Variants in FZD6 observed in about 807,000 individuals in gnomAD.
FZD6 encodes the protein frizzled class receptor 6, also known as frizzled-6.
FZD6 carries 49 observed loss-of-function variants against 61.4 expected under a neutral mutation model. The ratio of observed to expected loss-of-function variants is 0.80; its 90% confidence interval spans 0.63 to 1.01. The LOEUF is 1.01. Among genes scored for constraint, FZD6 ranks in the 50% least tolerant of loss-of-function variants. FZD6 has a pLI of 0.00. For synonymous variants in FZD6, 265 were observed against 292.2 expected (o/e 0.91, Z 0.95); for missense variants, 724 against 848.2 (o/e 0.85, Z 1.82).
chr8:103,318,744 A>G lies in FZD6; in HGVS notation c.332A>G (p.Asp111Gly). 1 of 1,611,524 alleles carries G rather than the reference A, an allele frequency of 6.2e-7. No individual in the cohort carries two copies. Among genetic ancestry groups the G allele is most frequent in the Middle Eastern group, 1.7e-4 (1 of 6,044 alleles). The change falls in exon 3 of 7, where the codon GAC becomes GGC. Residue 111 changes from aspartate (D) to glycine (G), a missense_variant. Coordinates refer to ENST00000358755, the MANE Select transcript of FZD6 (RefSeq NM_003506.4). ...TATTCTGATTGCAAAAAATTAATTGACACTTTTGGGATCCGATGGCCTGAG... is the reference window on the plus strand; with the variant it reads ...TATTCTGATTGCAAAAAATTAATTGGCACTTTTGGGATCCGATGGCCTGAG... ...KVYSDCKKLI[D>G]TFGIRWPEEL...
At chr8:103,328,482 TC>T in intron 5 of FZD6, 66 bp downstream of exon 5, 1 of 1,214,802 alleles carries the variant, frequency 8.2e-7, no homozygotes, top group Non-Finnish European at 1.2e-6. Context: ...AAGGAACTGT[TC>T]AAATCAATGT....
intron 2 of FZD6, among the ~76,000 whole-genome samples, chr8:103,302,418 T>C (rs767247339): frequency 2.0e-5 from 3 of 152,148 alleles, no homozygotes; most frequent in Non-Finnish European, 4.4e-5. Flanking sequence ...TTTAAATAAA[T>C]AAAATGTGTA....
intron 2 of FZD6, among the ~76,000 whole-genome samples, chr8:103,310,732 C>T (rs1814472013): frequency 6.6e-6 from 1 of 152,214 alleles, no homozygotes; most frequent in Non-Finnish European, 1.5e-5. Flanking sequence ...CATTTGATCT[C>T]CCACAGCCTC....
At chr8:103,306,666 C>A (rs572939599) in intron 2 of FZD6, among the ~76,000 whole-genome samples, 2 of 151,874 alleles carry the variant, frequency 1.3e-5, no homozygotes, top group East Asian at 3.9e-4. Flanking sequence ...CCAAGCCCGG[C>A]TAATTTTTTT....
intron 2 of FZD6, among the ~76,000 whole-genome samples, chr8:103,305,281 T>C (rs1291910079): frequency 6.6e-6 from 1 of 152,200 alleles, no homozygotes; most frequent in Non-Finnish European, 1.5e-5. Flanking sequence ...GAGCAGCAAG[T>C]GGTCATTCCC....
chr8:103,307,850 G>A (rs963796693), intron 2 of FZD6: 1 of 456,090 alleles, frequency 2.2e-6, no homozygotes, highest in Non-Finnish European at 4.4e-6. Flanking sequence ...AGGCTGTAAG[G>A]AAACATGCTA....
intron 3 of FZD6, among the ~76,000 whole-genome samples, chr8:103,319,014 A>C (rs1480225345): frequency 6.6e-6 from 1 of 152,248 alleles, no homozygotes; most frequent in African/African-American, 2.4e-5. Flanking sequence ...GACAGACAGT[A>C]ATCAAATAAT....
At chr8:103,327,431 C>T (rs1051168146) in intron 4 of FZD6, among the ~76,000 whole-genome samples, 2 of 152,038 alleles carry the variant, frequency 1.3e-5, no homozygotes, top group Admixed American at 1.3e-4. Context: ...CCTGTCTCTA[C>T]TAAAATACAA....
At chr8:103,305,450 A>G (rs1814303998) in intron 2 of FZD6, among the ~76,000 whole-genome samples, 1 of 152,236 alleles carries the variant, frequency 6.6e-6, no homozygotes, top group Non-Finnish European at 1.5e-5. Flanking sequence ...TCTGTTGTAT[A>G]GTGGCTTTTA....
chr8:103,323,895 A>G (rs952080793), intron 3 of FZD6, among the ~76,000 whole-genome samples: 29 of 152,242 alleles, frequency 1.9e-4, no homozygotes, highest in Non-Finnish European at 3.8e-4. Context: ...GGTGATGTTC[A>G]TTAAGCTGGT....
chr8:103,313,592 C>A (rs551154887), intron 2 of FZD6, among the ~76,000 whole-genome samples: 1 of 152,292 alleles, frequency 6.6e-6, no homozygotes, highest in South Asian at 2.1e-4. Flanking sequence ...TGTTTCTTGG[C>A]AAAGTGTGCA....
chr8:103,314,828 A>C (rs916186977), intron 2 of FZD6, among the ~76,000 whole-genome samples: 3 of 152,186 alleles, frequency 2.0e-5, no homozygotes, highest in Non-Finnish European at 2.9e-5. Flanking sequence ...TGACCATGGA[A>C]GTGTCCATTT....
rs533754020 is a variant in FZD6 at position 103,324,064 on chromosome 8, A to C, written c.375-417A>C. On this transcript the variant is annotated intron_variant, in intron 3 of 6. Coordinates refer to ENST00000358755, the MANE Select transcript of FZD6 (RefSeq NM_003506.4). ...TATGGACATTAGAAAATAAAAGTGA[A>C]TAGACAAGATATATTTCATATGATA... Among the ~76,000 whole-genome samples, 465 of 152,344 alleles carry C rather than the reference A, an allele frequency of 3.1e-3. 1 individual carries two copies. The highest frequency in any genetic ancestry group is 0.011 in the African/African-American group (446 of 41,578).
Position 103,310,860 on chromosome 8 carries a change from A to G in FZD6, c.178-7730A>G, listed in dbSNP as rs139234371. 1.3e-3 allele frequency among the ~76,000 whole-genome samples: 204 copies of G among 152,316 alleles called. 1 individual carries two copies. The highest frequency in any genetic ancestry group is 3.3e-3 in the African/African-American group (136 of 41,574). ...TGGGTTGCCAGATTTCCATCTTTAA[A>G]TACTAACAGGATGCTCACTGCCTTT... On this transcript the variant is annotated intron_variant, in intron 2 of 6. Coordinates refer to ENST00000358755, the MANE Select transcript of FZD6 (RefSeq NM_003506.4).
At chr8:103,307,140 C>T (rs1032986463) in intron 2 of FZD6, among the ~76,000 whole-genome samples, 2 of 152,150 alleles carry the variant, frequency 1.3e-5, no homozygotes, top group African/African-American at 4.8e-5. Flanking sequence ...AAGATACTGC[C>T]ACAGGACCAC....
intron 3 of FZD6, 95 bp from the exon 4 acceptor site, chr8:103,324,386 C>G: frequency 1.4e-6 from 1 of 692,642 alleles, no homozygotes; most frequent in Non-Finnish European, 2.4e-6. Flanking sequence ...ATCATGAATA[C>G]ATAAGGTAAT....
At chr8:103,326,486 C>T (rs1015177712) in intron 4 of FZD6, among the ~76,000 whole-genome samples, 6 of 151,900 alleles carry the variant, frequency 3.9e-5, no homozygotes, top group Middle Eastern at 3.2e-3. Flanking sequence ...GAAACTATTA[C>T]ATATTATTAA....
At chr8:103,317,939 G>A (rs1814677846) in intron 2 of FZD6, among the ~76,000 whole-genome samples, 1 of 152,162 alleles carries the variant, frequency 6.6e-6, no homozygotes, top group Admixed American at 6.5e-5. Context: ...AGAGTACTAA[G>A]GGAGTGTTTG....
At chr8:103,328,506 T>C in intron 5 of FZD6, 90 bp downstream of exon 5, 2 of 993,376 alleles carry the variant, frequency 2.0e-6, no homozygotes, top group Non-Finnish European at 3.1e-6. Context: ...TAGAGTTTCA[T>C]TATATCAACT....
Sources: gnomAD v4.1 joint callset for allele counts (sites outside exome capture counted in the v4.1 genomes callset) on GRCh38, gnomAD v4.1.1 for gene constraint, MANE v1.5 for transcripts, NCBI Gene and HGNC (gene_info 2026-07-23, HGNC 2026-07-21) for gene names.